Variants in SUFU observed in about 807,000 individuals in gnomAD.
SUFU encodes suppressor of fused homolog.
A neutral mutation model predicts 58.9 loss-of-function variants in SUFU; 7 were observed. The observed-to-expected ratio is 0.12, with a 90% CI of 0.07 to 0.22. The LOEUF (loss-of-function observed/expected upper bound fraction) is 0.22. Ranked by LOEUF, SUFU falls within the 10% of genes least tolerant of loss-of-function variation. SUFU has a pLI of 1.00. For missense variants in SUFU, 451 were observed against 641.3 expected (o/e 0.70, Z 3.20); for synonymous variants, 232 against 254.8 (o/e 0.91, Z 0.85).
chr10:102,624,891 C>T (rs1726220781), intron 10 of SUFU, among the ~76,000 whole-genome samples: 1 of 152,226 alleles, frequency 6.6e-6, no homozygotes, highest in African/African-American at 2.4e-5. Flanking sequence ...ACCCCCAGCA[C>T]TTGTTATAGT....
intron 8 of SUFU, among the ~76,000 whole-genome samples, chr10:102,609,920 A>G (rs2063605080): frequency 6.6e-6 from 1 of 152,196 alleles, no homozygotes; most frequent in Non-Finnish European, 1.5e-5. Context: ...TCTGGACTAG[A>G]TTATTCAGCA....
intron 2 of SUFU, among the ~76,000 whole-genome samples, chr10:102,544,544 T>C (rs1271144713): frequency 6.6e-6 from 1 of 151,704 alleles, no homozygotes; most frequent in Non-Finnish European, 1.5e-5. Context: ...CTAGTAAAAA[T>C]ACAAAAATTA....
intron 3 of SUFU, among the ~76,000 whole-genome samples, chr10:102,582,121 C>G (rs2063286354): frequency 6.6e-6 from 1 of 152,180 alleles, no homozygotes; most frequent in African/African-American, 2.4e-5. Context: ...GGGCATTTGG[C>G]TTTCACAGCG....
chr10:102,511,238 A>G (rs1220824497), intron 2 of SUFU, among the ~76,000 whole-genome samples: 4 of 151,628 alleles, frequency 2.6e-5, no homozygotes, highest in African/African-American at 7.3e-5. Flanking sequence ...TAATCTTTCT[A>G]TGTTTGTATT....
intron 3 of SUFU, 27 bp from the exon 4 acceptor site, chr10:102,592,555 A>G (rs182795476): frequency 3.1e-6 from 5 of 1,613,452 alleles, no homozygotes; most frequent in Admixed American, 1.7e-5. Flanking sequence ...GCCTTGAACA[A>G]TGAGGATCCT....
chr10:102,597,351 G>A, intron 7 of SUFU, 58 bp downstream of exon 7: 1 of 1,585,284 alleles, frequency 6.3e-7, no homozygotes, highest in African/African-American at 1.3e-5. Context: ...CCCAGGGCCT[G>A]GTTTCCAGTC....
At chr10:102,623,938 T>C (rs1488410395) in intron 10 of SUFU, among the ~76,000 whole-genome samples, 1 of 151,994 alleles carries the variant, frequency 6.6e-6, no homozygotes, top group Non-Finnish European at 1.5e-5. Flanking sequence ...AGAGATTCCA[T>C]CTAAAAAATA....
chr10:102,520,592 T>C (rs1003375910), intron 2 of SUFU, among the ~76,000 whole-genome samples: 1 of 152,198 alleles, frequency 6.6e-6, no homozygotes, highest in African/African-American at 2.4e-5. Flanking sequence ...TTCACTGCTC[T>C]AAAAATTCCT....
At chr10:102,503,897 C>T (rs903482713), upstream of SUFU, 10 of 468,662 alleles carry the variant, frequency 2.1e-5, no homozygotes, top group Admixed American at 4.1e-4. Flanking sequence ...CAGACATTAG[C>T]CAATGGGTGC....
chr10:102,519,306 C>G (rs1564661929), intron 2 of SUFU, among the ~76,000 whole-genome samples: 1 of 151,826 alleles, frequency 6.6e-6, no homozygotes, highest in Non-Finnish European at 1.5e-5. Flanking sequence ...AGGTGGATCA[C>G]CTGAGGTCGG....
At chr10:102,610,781 C>T (rs537926323) in intron 8 of SUFU, among the ~76,000 whole-genome samples, 108 of 152,282 alleles carry the variant, frequency 7.1e-4, no homozygotes, top group African/African-American at 2.5e-3. Flanking sequence ...CAGAAATACC[C>T]GAACTGCCGG....
intron 8 of SUFU, among the ~76,000 whole-genome samples, chr10:102,612,741 G>A (rs558084665): frequency 1.3e-5 from 2 of 152,196 alleles, no homozygotes; most frequent in East Asian, 3.9e-4. Context: ...ATGGCACAGG[G>A]GAGTGATTGT....
In SUFU at chr10:102,630,289, A is replaced by T; in HGVS notation, c.*134A>T. ...GGAAGACTGCGCAGTGCCACCCCGCAGCCCAGTGGGGTGCCATGCACAGGC... is the reference window on the plus strand; with the variant it reads ...GGAAGACTGCGCAGTGCCACCCCGCTGCCCAGTGGGGTGCCATGCACAGGC... On this transcript the variant is annotated 3_prime_UTR_variant, in exon 12 of 12. Coordinates refer to ENST00000369902, the MANE Select transcript of SUFU (RefSeq NM_016169.4). The T allele has an allele frequency of 8.6e-6, 7 of 811,664 alleles. No individual in the cohort carries two copies. The highest frequency in any genetic ancestry group is 1.2e-5 in the Non-Finnish European group (6 of 489,030). 50.3% of individuals were successfully genotyped at this position (811,664 alleles called of 1,614,324 possible). A position where few individuals can be genotyped will look rare whatever the true frequency, so the allele number is the denominator to read the frequency against.
intron 2 of SUFU, among the ~76,000 whole-genome samples, chr10:102,510,603 C>T (rs2062389334): frequency 6.6e-6 from 1 of 151,748 alleles, no homozygotes; most frequent in South Asian, 2.1e-4. Context: ...AGGTGGCTCA[C>T]TTGAGGTCAG....
chr10:102,612,327 G>A (rs2063635741), intron 8 of SUFU, among the ~76,000 whole-genome samples: 1 of 152,020 alleles, frequency 6.6e-6, no homozygotes, highest in Non-Finnish European at 1.5e-5. Context: ...TCTCTTAAAA[G>A]ATTAAAGTAC....
intron 2 of SUFU, among the ~76,000 whole-genome samples, chr10:102,523,967 A>T (rs921681427): frequency 2.0e-5 from 3 of 152,170 alleles, no homozygotes; most frequent in African/African-American, 7.2e-5. Flanking sequence ...GCATTCTTCT[A>T]CCTCAGGGCC....
chr10:102,504,198 C>T lies in SUFU; in HGVS notation c.46C>T (p.Pro16Ser), dbSNP rs978312925. The change falls in exon 1 of 12, where the codon CCG (proline) becomes TCG (serine). Residue 16 changes from proline to serine, a missense_variant. Pro to Ser is a moderately conservative substitution (Grantham distance 74). Transcript: ENST00000369902. ...CGGCGCCCCCGGCCCCACCGCGCCC[C>T]CGGCCCCTGGCCCGACTGCCCCCCC... ...PSGAPGPTAP[P>S]APGPTAPPAF... 1 of 1,581,274 alleles carries T rather than the reference C, an allele frequency of 6.3e-7. No individual in the cohort carries two copies.
intron 3 of SUFU, among the ~76,000 whole-genome samples, chr10:102,568,594 C>T (rs2063117823): frequency 6.6e-6 from 1 of 151,960 alleles, no homozygotes; most frequent in Non-Finnish European, 1.5e-5. Context: ...TATAGTTCAG[C>T]CGGGCACAGT....
chr10:102,509,282 A>G lies in SUFU; in HGVS notation c.296A>G (p.Tyr99Cys), dbSNP rs1464640869. The part of the protein sequence containing the change: ...HYISFGLSDL[Y>C]GDNRVHEFTG... The stretch of plus-strand genomic sequence containing the variant: ...ATCAGCTTCGGCCTGAGTGATCTCT[A>G]TGGTGACAACAGAGTCCATGAGTGA... The change falls in exon 2 of 12, where the codon TAT becomes TGT. Residue 99 changes from tyrosine to cysteine, a missense_variant. Transcript: ENST00000369902. 1.9e-6 allele frequency: 3 copies of G among 1,614,152 alleles called. No homozygotes were observed. The highest frequency in any genetic ancestry group is 2.2e-5 in the East Asian group (1 of 44,884).
Sources: allele counts gnomAD v4.1 joint callset (sites outside exome capture counted in the v4.1 genomes callset), GRCh38; gene constraint gnomAD v4.1.1; transcripts MANE v1.5; gene names NCBI Gene and HGNC (gene_info 2026-07-23, HGNC 2026-07-21).